GNA11: variants seen among roughly 807,000 people sequenced by gnomAD.
The protein encoded by GNA11 is G protein subunit alpha 11.
Under a neutral mutation model 38.2 loss-of-function variants are expected in GNA11, and 8 were observed. The ratio of observed to expected loss-of-function variants is 0.21; its 90% CI spans 0.12 to 0.38. The LOEUF is 0.38. Among genes scored for constraint, GNA11 ranks in the 10% least tolerant of loss-of-function variants. GNA11 has a pLI of 1.00. For synonymous variants in GNA11, 211 were observed against 221.4 expected (o/e 0.95, Z 0.42); for missense variants, 268 against 516.3 (o/e 0.52, Z 4.66).
In GNA11 at chr19:3,110,215, C is replaced by T. The variant is rs1913737726; in HGVS notation, c.203C>T (p.Ser68Leu). The change falls in exon 2 of 7, where the codon TCG becomes TTG. Residue 68 changes from serine (S) to leucine (L), a missense_variant. By Grantham distance (145) the Ser-to-Leu change is moderately radical. This residue lies in a region of GNA11 where 151 missense variants were observed against 254.0 expected (regional missense o/e 0.59). Coordinates refer to ENST00000078429, the MANE Select transcript of GNA11 (RefSeq NM_002067.5). The surrounding 1 kb of genome is among the most constrained non-coding windows in gnomAD (Gnocchi z 5.4). ...CGCATCATCCACGGCGCCGGCTACTCGGAGGAGGACAAGCGCGGCTTCACC... is the reference window on the plus strand; with the variant it reads ...CGCATCATCCACGGCGCCGGCTACTTGGAGGAGGACAAGCGCGGCTTCACC... ...QMRIIHGAGY[S>L]EEDKRGFTKL... 1.9e-6 allele frequency: 3 copies of T among 1,613,700 alleles called. No homozygotes were observed. Among genetic ancestry groups the T allele is most frequent in the South Asian group, 1.1e-5 (1 of 91,076 alleles).
rs529942770 is a variant in GNA11 at position 3,119,237 on chromosome 19, G to A, written c.767G>A (p.Arg256Gln). ...ATGGAGGAGAGCAAAGCCCTGTTCC[G>A]GACCATCATCACCTACCCCTGGTTC... is the stretch of plus-strand genomic sequence containing the variant. Reference protein sequence around the residue: ...NRMEESKALFRTIITYPWFQN... With the variant: ...NRMEESKALFQTIITYPWFQN... The change falls in exon 6 of 7, where the codon CGG (arginine) becomes CAG (glutamine). Residue 256 changes from arginine (R) to glutamine (Q), a missense_variant. This residue lies in a region of GNA11 where 92 missense variants were observed against 166.7 expected (regional missense o/e 0.55). Coordinates refer to ENST00000078429, the MANE Select transcript of GNA11 (RefSeq NM_002067.5). The surrounding 1 kb of genome is among the most constrained non-coding windows in gnomAD (Gnocchi z 4.6). 3.7e-6 allele frequency: 6 copies of A among 1,613,910 alleles called. No individual in the cohort carries two copies. The highest frequency in any genetic ancestry group is 1.1e-5 in the South Asian group (1 of 91,076).
intron 1 of GNA11, among the ~76,000 whole-genome samples, chr19:3,096,877 A>C (rs1005925390): frequency 6.6e-6 from 1 of 152,180 alleles, no homozygotes; most frequent in African/African-American, 2.4e-5. Context: ...CGGGGCTGTC[A>C]GGGGGTTGGG....
intron 1 of GNA11, among the ~76,000 whole-genome samples, chr19:3,103,040 C>T (rs1479640348): frequency 2.0e-5 from 3 of 152,168 alleles, no homozygotes; most frequent in South Asian, 4.1e-4. Context: ...CCTGGCTTCT[C>T]GGCCCACATC....
chr19:3,106,611 G>T (rs895778268), intron 1 of GNA11, among the ~76,000 whole-genome samples: 1 of 150,902 alleles, frequency 6.6e-6, no homozygotes, highest in Middle Eastern at 3.4e-3. Context: ...TGGGAGACAC[G>T]AGTGGCTTCA....
intron 3 of GNA11, among the ~76,000 whole-genome samples, chr19:3,114,720 CCT>C (rs1295274928): frequency 6.6e-6 from 1 of 152,170 alleles, no homozygotes; most frequent in Non-Finnish European, 1.5e-5. Context: ...ATTTCTGTCC[CCT>C]GAGACCCCAG....
rs760497682 is a variant in GNA11, at chr19:3,103,519, C to CTTTTTTTTTTTTTT, written c.137-6612_137-6599dup. On this transcript the variant is annotated intron_variant, in intron 1 of 6. Transcript: ENST00000078429. ...TGAGCCACTGCGCCCGGCCTTGAAT[C>CTTTTTTTTTTTTTT]TTTTTTTTTTTTTTTTTTTTTTTTT... 1.1e-3 allele frequency among the ~76,000 whole-genome samples: 50 copies of CTTTTTTTTTTTTTT among 45,814 alleles called. 14 individuals are homozygous for CTTTTTTTTTTTTTT. The highest frequency in any genetic ancestry group is 1.2e-3 in the Non-Finnish European group (31 of 25,132). 30.1% of individuals were successfully genotyped at this position (45,814 alleles called of 152,430 possible).
rs561017379 is a variant in GNA11, at chr19:3,122,351, C to T, written c.*1172C>T. On this transcript the variant is annotated 3_prime_UTR_variant, in exon 7 of 7. Transcript: ENST00000078429. This position sits in a 1 kb window ranked among gnomAD's most constrained non-coding sequence, Gnocchi z 7.7. ...CCCCGGGGAGCGGGAAGCCAGCACT[C>T]GCACTTTGGCCAGGGGCGCGTGGAA... The T allele has an allele frequency of 1.1e-4, 26 of 232,154 alleles. No individual in the cohort carries two copies. The highest frequency in any genetic ancestry group is 4.6e-4 in the African/African-American group (21 of 45,360). The allele number at this position is 232,154 out of a possible 1,614,324, so 14.4% of individuals were successfully genotyped here.
At chr19:3,114,225 G>A (rs928796301) in intron 3 of GNA11, among the ~76,000 whole-genome samples, 1 of 152,166 alleles carries the variant, frequency 6.6e-6, no homozygotes, top group Admixed American at 6.5e-5. Flanking sequence ...GCCTCCTCGC[G>A]GTGCCGGAAA....
Position 3,121,356 on chromosome 19 carries a change from T to A in GNA11, c.*177T>A. The A allele has an allele frequency of 1.8e-6, 1 of 562,292 alleles. No homozygotes were observed. Among genetic ancestry groups the A allele is most frequent in the Non-Finnish European group, 3.2e-6 (1 of 316,680 alleles). 34.8% of individuals were successfully genotyped at this position (562,292 alleles called of 1,614,324 possible). Reference sequence around the variant, plus strand: ...TTTTTATTTCACAGTTATCAGGGGATGTACATCTCTCCCTCCGTACACTTC... The same window carrying A: ...TTTTTATTTCACAGTTATCAGGGGAAGTACATCTCTCCCTCCGTACACTTC... On this transcript the variant is annotated 3_prime_UTR_variant, in exon 7 of 7. Transcript: ENST00000078429.
chr19:3,111,962 T>C (rs308061), intron 2 of GNA11, among the ~76,000 whole-genome samples: 133,092 of 152,318 alleles, frequency 0.87, 58,236 homozygotes, highest in African/African-American at 0.91. Context: ...TGAGAGTCCA[T>C]ATTCATATTT....
chr19:3,104,514 G>T (rs1913589579), intron 1 of GNA11, among the ~76,000 whole-genome samples: 1 of 152,224 alleles, frequency 6.6e-6, no homozygotes, highest in South Asian at 2.1e-4. Flanking sequence ...GCTCCCTCAG[G>T]TGTGGGAGAT....
intron 1 of GNA11, among the ~76,000 whole-genome samples, chr19:3,109,241 G>T (rs973507560): frequency 2.6e-5 from 4 of 151,918 alleles, no homozygotes; most frequent in Non-Finnish European, 4.4e-5. Flanking sequence ...AGGTGACCAG[G>T]TGAGAGGCAG....
In GNA11 at chr19:3,122,628, C is replaced by T. The variant is rs1374962284; in HGVS notation, c.*1449C>T. ...TGAACACTACAGCGCCCTGTGGTTC[C>T]GGGCTTCGCACAGCTGTCCCAGGGA... On this transcript the variant is annotated 3_prime_UTR_variant, in exon 7 of 7. Transcript: ENST00000078429. The surrounding 1 kb of genome is among the most constrained non-coding windows in gnomAD (Gnocchi z 7.7). 4.3e-5 allele frequency: 10 copies of T among 233,358 alleles called. No homozygotes were observed. The highest frequency in any genetic ancestry group is 2.4e-4 in the East Asian group (4 of 16,578). 14.5% of individuals were successfully genotyped at this position (233,358 alleles called of 1,614,324 possible).
intron 1 of GNA11, among the ~76,000 whole-genome samples, chr19:3,101,271 C>T (rs570407041): frequency 7.9e-5 from 12 of 152,226 alleles, no homozygotes; most frequent in African/African-American, 2.6e-4. Flanking sequence ...GGGACTTGTG[C>T]GGCCTGCAGA....
In GNA11 at chr19:3,094,878, C is replaced by T; in HGVS notation, c.136+91C>T. On this transcript the variant is annotated intron_variant, in intron 1 of 6. Coordinates refer to ENST00000078429, the MANE Select transcript of GNA11 (RefSeq NM_002067.5). This position sits in a 1 kb window ranked among gnomAD's most constrained non-coding sequence, Gnocchi z 6.0. Reference sequence around the variant, plus strand: ...GGGTCGGGCCGGGACCCTCCGGGGTCAGCCCTGCCTGTGCCGTCCGGGTCG... The same window carrying T: ...GGGTCGGGCCGGGACCCTCCGGGGTTAGCCCTGCCTGTGCCGTCCGGGTCG... 1.0e-6 allele frequency: 1 copy of T among 991,496 alleles called. No individual in the cohort carries two copies. The allele number at this position is 991,496 out of a possible 1,614,324, so 61.4% of individuals were successfully genotyped here.
At position 3,121,612 on chromosome 19, in the gene GNA11, G is replaced by A. The variant is rs756857352; in HGVS notation, c.*433G>A. On this transcript the variant is annotated 3_prime_UTR_variant, in exon 7 of 7. Transcript: ENST00000078429. ...ACGCGCCCCCACACCGCAGCCCCCC[G>A]TGGCTGTCCTTCCAACCCCACGTGC... 6.0e-5 allele frequency: 14 copies of A among 233,702 alleles called. No individual in the cohort carries two copies. The highest frequency in any genetic ancestry group is 9.3e-5 in the Non-Finnish European group (11 of 118,492). 14.5% of individuals were successfully genotyped at this position (233,702 alleles called of 1,614,324 possible).
rs2145328859 is a variant in GNA11 at position 3,121,026 on chromosome 19, C to T, written c.927C>T (p.Ile309=). The change falls in exon 7 of 7, where the codon ATC becomes ATT. Residue 309 remains isoleucine (I), a synonymous_variant. Coordinates refer to ENST00000078429, the MANE Select transcript of GNA11 (RefSeq NM_002067.5). The part of the protein sequence containing the change: ...QRDAQAAREF[I]LKMFVDLNPD... ...ACGCCCAGGCGGCGCGGGAGTTCAT[C>T]CTGAAGATGTTCGTGGACCTGAACC... The T allele has an allele frequency of 1.9e-6, 3 of 1,613,654 alleles. No individual in the cohort carries two copies. The highest frequency in any genetic ancestry group is 2.5e-6 in the Non-Finnish European group (3 of 1,179,784).
At chr19:3,106,480 C>T (rs1032610738) in intron 1 of GNA11, among the ~76,000 whole-genome samples, 3 of 152,238 alleles carry the variant, frequency 2.0e-5, no homozygotes, top group Admixed American at 6.5e-5. Flanking sequence ...TAACAGTGGC[C>T]AGCACCTCAG....
intron 1 of GNA11, among the ~76,000 whole-genome samples, chr19:3,098,677 G>T (rs139749912): frequency 3.9e-4 from 59 of 152,342 alleles, no homozygotes; most frequent in African/African-American, 1.4e-3. Context: ...ATGGGGTGCG[G>T]TGGCCCCACG....
Sources: allele counts gnomAD v4.1 joint callset (sites outside exome capture counted in the v4.1 genomes callset), GRCh38; gene constraint gnomAD v4.1.1; regional missense constraint gnomAD v4.1.1; non-coding constraint Gnocchi (gnomAD v3.1); transcripts MANE v1.5; gene names NCBI Gene and HGNC (gene_info 2026-07-23, HGNC 2026-07-21).